PIK3R3: variants seen among roughly 807,000 people sequenced by gnomAD.
PIK3R3 encodes phosphatidylinositol 3-kinase regulatory subunit gamma.
In PIK3R3, 64 loss-of-function variants were observed where a neutral mutation model predicts 62.9. The observed-to-expected ratio is 1.02, with a 90% CI of 0.83 to 1.25. The LOEUF (loss-of-function observed/expected upper bound fraction) is 1.25. Among genes scored for constraint, PIK3R3 ranks in the 50% most tolerant of loss-of-function variants. The probability of loss-of-function intolerance (pLI) is 0.00; values close to 1 mark genes in which losing one functional copy is unlikely to be tolerated. For missense variants in PIK3R3, 614 were observed against 561.6 expected (o/e 1.09, Z -0.94); for synonymous variants, 165 against 189.0 (o/e 0.87, Z 1.04).
At chr1:46,054,220 C>T (rs76232481) in intron 7 of PIK3R3, among the ~76,000 whole-genome samples, 1 of 151,652 alleles carries the variant, frequency 6.6e-6, no homozygotes, top group East Asian at 1.9e-4. Flanking sequence ...ATGGTGAAAC[C>T]CCATCTCTAC....
chr1:46,049,347 G>A (rs1020679525), intron 7 of PIK3R3, among the ~76,000 whole-genome samples: 13 of 152,304 alleles, frequency 8.5e-5, no homozygotes, highest in African/African-American at 3.1e-4. Context: ...TTGTGTTTCA[G>A]TCTAAGACAA....
intron 1 of PIK3R3, among the ~76,000 whole-genome samples, chr1:46,100,955 A>G (rs1241353993): frequency 6.6e-6 from 1 of 152,030 alleles, no homozygotes; most frequent in Non-Finnish European, 1.5e-5. Context: ...TGGGAGGCTG[A>G]GGTAGGCTAG....
intron 1 of PIK3R3, among the ~76,000 whole-genome samples, chr1:46,084,271 G>C (rs994314528): frequency 2.6e-5 from 4 of 152,136 alleles, no homozygotes; most frequent in African/African-American, 9.7e-5. Context: ...GGGAAATAGG[G>C]AGTGACTGCT....
intron 1 of PIK3R3, among the ~76,000 whole-genome samples, chr1:46,084,851 G>A (rs1393973763): frequency 6.6e-6 from 1 of 152,218 alleles, no homozygotes; most frequent in East Asian, 1.9e-4. Context: ...CTAGTCCTTA[G>A]TGATTTGAGT....
chr1:46,151,386 T>A, the PIK3R3 span, among the ~76,000 whole-genome samples: 1 of 152,132 alleles, frequency 6.6e-6, no homozygotes, highest in Non-Finnish European at 1.5e-5. Context: ...TCTAGGATTA[T>A]CCCTCCACAA....
intron 1 of PIK3R3, chr1:46,105,295 T>A: frequency 1.2e-5 from 3 of 251,702 alleles, no homozygotes; most frequent in Non-Finnish European, 2.3e-5. Context: ...CGAGGTCAAG[T>A]TCGAGACCAA....
chr1:46,093,285 C>T (rs1276825795), intron 1 of PIK3R3, among the ~76,000 whole-genome samples: 1 of 152,086 alleles, frequency 6.6e-6, no homozygotes, highest in Non-Finnish European at 1.5e-5. Flanking sequence ...GAAATAAAGA[C>T]ACTATTACTA....
chr1:46,068,684 G>A (rs755411871), intron 3 of PIK3R3, among the ~76,000 whole-genome samples: 9 of 152,248 alleles, frequency 5.9e-5, no homozygotes, highest in South Asian at 2.1e-4. Flanking sequence ...AGAGAGGTGC[G>A]GTAAGGGCAT....
At chr1:46,120,891 G>A (rs1442448312) in intron 1 of PIK3R3, among the ~76,000 whole-genome samples, 1 of 152,108 alleles carries the variant, frequency 6.6e-6, no homozygotes, top group East Asian at 1.9e-4. Context: ...AAAGAAGTTT[G>A]CTAGAGGTTT....
chr1:46,066,290 C>G, intron 4 of PIK3R3, 111 bp from the exon 5 acceptor site: 4 of 725,302 alleles, frequency 5.5e-6, no homozygotes, highest in Non-Finnish European at 4.5e-6. Context: ...ATCTATTAAA[C>G]TATATTTCAA....
chr1:46,065,909 G>A, intron 5 of PIK3R3, 145 bp downstream of exon 5: 3 of 693,072 alleles, frequency 4.3e-6, no homozygotes, highest in Non-Finnish European at 7.6e-6. Context: ...AGAAGGGAGG[G>A]GAATTTATAT....
At chr1:46,160,948 G>T in the PIK3R3 span, among the ~76,000 whole-genome samples, 61 of 152,182 alleles carry the variant, frequency 4.0e-4, no homozygotes, top group African/African-American at 1.4e-3. Context: ...AACAATAATG[G>T]CCAAACCGCA....
intron 7 of PIK3R3, among the ~76,000 whole-genome samples, chr1:46,049,385 GAGA>G (rs1275317638): frequency 6.6e-6 from 1 of 152,260 alleles, no homozygotes; most frequent in Non-Finnish European, 1.5e-5. Context: ...GCCCCTGAGA[GAGA>G]AGGACAGGAG....
intron 1 of PIK3R3, among the ~76,000 whole-genome samples, chr1:46,110,663 T>C (rs1653661755): frequency 6.6e-6 from 1 of 152,168 alleles, no homozygotes; most frequent in South Asian, 2.1e-4. Context: ...CCCATCTTTG[T>C]ATCTCCAGTG....
In PIK3R3 at chr1:46,043,686, G is replaced by A. The variant is rs764723132; in HGVS notation, c.1373C>T (p.Ser458Leu). The A allele has an allele frequency of 5.0e-6, 8 of 1,613,924 alleles. No homozygotes were observed. The Admixed American group carries it at 5.0e-5, about 10-fold the overall frequency. The change falls in exon 10 of 10, where the codon TCG (serine) becomes TTG (leucine). Residue 458 changes from serine to leucine, a missense_variant. Physicochemically the swap from Ser to Leu is moderately radical, Grantham distance 145. Coordinates refer to ENST00000262741, the MANE Select transcript of PIK3R3 (RefSeq NM_003629.4). Reference protein sequence around the residue: ...LAYPVHAQMPSLCR With the variant: ...LAYPVHAQMPLLCR ...CCCACTTCCTCTTTATCTGCAAAGC[G>A]AGGGCATCTGTGCATGAACAGGGTA...
chr1:46,161,643 G>T, the PIK3R3 span, among the ~76,000 whole-genome samples: 1 of 152,104 alleles, frequency 6.6e-6, no homozygotes, highest in African/African-American at 2.4e-5. Context: ...GCTGAGCCAG[G>T]AATATCACTG....
the PIK3R3 span, among the ~76,000 whole-genome samples, chr1:46,155,794 T>A: frequency 6.6e-6 from 1 of 152,094 alleles, no homozygotes; most frequent in Non-Finnish European, 1.5e-5. Flanking sequence ...TTGTTATGGG[T>A]ACATCTACAT....
chr1:46,100,738 T>C (rs1652582100), intron 1 of PIK3R3, among the ~76,000 whole-genome samples: 1 of 152,214 alleles, frequency 6.6e-6, no homozygotes, highest in Non-Finnish European at 1.5e-5. Flanking sequence ...TCAGTTAATA[T>C]GGTATCCCAA....
chr1:46,165,914 G>T, the PIK3R3 span, among the ~76,000 whole-genome samples: 1 of 151,250 alleles, frequency 6.6e-6, no homozygotes, highest in Non-Finnish European at 1.5e-5. Flanking sequence ...GGGACTACAG[G>T]CGCCCGCCAC....
Sources: gnomAD v4.1 joint callset for allele counts (sites outside exome capture counted in the v4.1 genomes callset) on GRCh38, gnomAD v4.1.1 for gene constraint, MANE v1.5 for transcripts, NCBI Gene and HGNC (gene_info 2026-07-23, HGNC 2026-07-21) for gene names.